Variants in SETD4 observed in about 807,000 individuals in gnomAD.
SETD4 encodes the protein SET domain containing 4.
SETD4 carries 46 observed loss-of-function variants against 58.3 expected under a neutral mutation model. That is an observed-to-expected ratio of 0.79 (90% CI 0.62 to 1.01). The LOEUF is 1.01. SETD4 is among the 50% of genes least tolerant of loss of function. SETD4 has a pLI of 0.00. For missense variants in SETD4, 490 were observed against 523.3 expected, an observed-to-expected ratio of 0.94 and a Z score of 0.62; for synonymous variants, 190 against 202.6, an observed-to-expected ratio of 0.94 and a Z score of 0.53.
intron 4 of SETD4, 149 bp from the exon 5 acceptor site, chr21:36,048,545 C>T (rs934859864): frequency 2.2e-5 from 15 of 696,366 alleles, no homozygotes; most frequent in South Asian, 3.3e-5. Context: ...CCAATGGAGT[C>T]GCTCCCAACT....
intron 8 of SETD4, 152 bp downstream of exon 8, chr21:36,041,655 C>T (rs569905047): frequency 1.3e-3 from 758 of 572,732 alleles, no homozygotes; most frequent in Non-Finnish European, 1.6e-3. Context: ...CAACATCAAG[C>T]GCAGTTTTAC....
At chr21:36,054,866 G>T (rs2064905609) in intron 3 of SETD4, among the ~76,000 whole-genome samples, 3 of 134,984 alleles carry the variant, frequency 2.2e-5, no homozygotes, top group Admixed American at 2.2e-4. Context: ...CTGGCTCATG[G>T]TGGGAATTCC....
chr21:36,036,112 T>G lies in SETD4; in HGVS notation c.*5A>C. The G allele has an allele frequency of 6.2e-7, 1 of 1,614,172 alleles. No individual in the cohort carries two copies. Among genetic ancestry groups the G allele is most frequent in the Non-Finnish European group, 8.5e-7 (1 of 1,180,024 alleles). On this transcript the variant is annotated 3_prime_UTR_variant, in exon 11 of 12. Transcript: ENST00000332131. The stretch of plus-strand genomic sequence containing the variant: ...GAGGAGGTGACCAAATGCGCTTCGG[T>G]GAAATCAGGTAAAAGCTGTTTGCAA...
At chr21:36,060,191 G>A in intron 1 of SETD4, 156 bp downstream of exon 1, 1 of 927,164 alleles carries the variant, frequency 1.1e-6, no homozygotes, top group Non-Finnish European at 1.3e-6. Context: ...AGAGGTTACT[G>A]CAGCGCACAC....
intron 4 of SETD4, among the ~76,000 whole-genome samples, chr21:36,052,384 TAAA>T (rs143468751): frequency 1.6e-5 from 2 of 122,692 alleles, no homozygotes; most frequent in Admixed American, 8.2e-5. Context: ...CTGTCTCTAC[TAAA>T]AAAAAAAAAA....
intron 5 of SETD4, among the ~76,000 whole-genome samples, chr21:36,047,903 G>A: frequency 6.6e-6 from 1 of 151,738 alleles, no homozygotes; most frequent in Middle Eastern, 3.4e-3. Flanking sequence ...CTACTTGGGA[G>A]GCTGAGGCAC....
rs780475667 is a variant in SETD4 at position 36,045,868 on chromosome 21, A to G, written c.440T>C (p.Val147Ala). The G allele has an allele frequency of 2.4e-5, 39 of 1,614,074 alleles. No individual in the cohort carries two copies. Among genetic ancestry groups the G allele is most frequent in the Non-Finnish European group, 2.5e-5 (30 of 1,180,044 alleles). ...YTCPVCLEPE[V>A]VNLLPKSLKA... The stretch of plus-strand genomic sequence containing the variant: ...TAAAGATTTGGGAAGAAGGTTCACC[A>G]CTTCCGGCTCCAAACAAACAGGGCA... The change falls in exon 6 of 12, where the codon GTG (valine) becomes GCG (alanine). Residue 147 changes from valine (V) to alanine (A), a missense_variant. By Grantham distance (64) the Val-to-Ala change is moderately conservative. Transcript: ENST00000332131.
intron 6 of SETD4, among the ~76,000 whole-genome samples, chr21:36,044,342 AGTT>A (rs2064204310): frequency 6.6e-6 from 1 of 152,248 alleles, no homozygotes; most frequent in Non-Finnish European, 1.5e-5. Context: ...CTCTGTCACA[AGTT>A]GTTGTATTTT....
intron 4 of SETD4, chr21:36,051,405 C>G: frequency 6.8e-7 from 1 of 1,463,790 alleles, no homozygotes; most frequent in Non-Finnish European, 9.1e-7. Context: ...CAACAAAACC[C>G]TTGTAAAACT....
chr21:36,046,366 A>T (rs925126619), intron 5 of SETD4, among the ~76,000 whole-genome samples: 2 of 152,260 alleles, frequency 1.3e-5, no homozygotes, highest in African/African-American at 4.8e-5. Flanking sequence ...TCACCTATGT[A>T]AAGATATAAA....
At chr21:36,049,853 A>G (rs2064550231) in intron 4 of SETD4, among the ~76,000 whole-genome samples, 1 of 152,224 alleles carries the variant, frequency 6.6e-6, no homozygotes, top group African/African-American at 2.4e-5. Context: ...ACCTAAACAA[A>G]AACTACCTGT....
At chr21:36,039,288 C>G (rs553183577) in intron 9 of SETD4, among the ~76,000 whole-genome samples, 1 of 152,314 alleles carries the variant, frequency 6.6e-6, no homozygotes, top group Admixed American at 6.5e-5. Context: ...CCCTGAGTGA[C>G]AGAGCTAGTG....
At position 36,041,826 on chromosome 21, in the gene SETD4, T is replaced by C; in HGVS notation, c.964A>G (p.Lys322Glu). The C allele has an allele frequency of 6.7e-7, 1 of 1,484,734 alleles. No homozygotes were observed. 92.0% of individuals were successfully genotyped at this position (1,484,734 alleles called of 1,614,324 possible). Residue 322 changes from lysine to glutamate, a missense_variant, in exon 8 of 12, where the codon AAG (lysine) becomes GAG (glutamate). Transcript: ENST00000332131. ...ACTTACTCTATATAGCCATGATCCT[T>C]TAAAATAGAAATCTTTTTGTCCATC... is the stretch of plus-strand genomic sequence containing the variant. Reference protein sequence around the residue: ...KQMDKKISILKDHGYIENLTF... With the variant: ...KQMDKKISILEDHGYIENLTF...
At chr21:36,048,047 G>A (rs1270797609) in intron 5 of SETD4, among the ~76,000 whole-genome samples, 1 of 134,164 alleles carries the variant, frequency 7.5e-6, no homozygotes, top group Non-Finnish European at 1.6e-5. Flanking sequence ...AAGGAAGGAA[G>A]GAAGGAAGAG....
chr21:36,058,795 G>T (rs770972190), intron 2 of SETD4, 21 bp downstream of exon 2: 2 of 1,579,696 alleles, frequency 1.3e-6, no homozygotes, highest in Admixed American at 2.0e-5. Context: ...TTCATTACTG[G>T]TACTAAAAGA....
intron 6 of SETD4, 102 bp downstream of exon 6, chr21:36,045,480 A>T: frequency 6.9e-7 from 1 of 1,443,112 alleles, no homozygotes. Flanking sequence ...GAAGCCGCCG[A>T]CACCTCTCCC....
chr21:36,036,675 C>G (rs1280379814), intron 10 of SETD4: 6 of 949,722 alleles, frequency 6.3e-6, no homozygotes, highest in African/African-American at 1.8e-5. Flanking sequence ...TTAACTAAAA[C>G]ATTTACTAAA....
At chr21:36,053,456 A>G in intron 4 of SETD4, 127 bp downstream of exon 4, 2 of 927,338 alleles carry the variant, frequency 2.2e-6, no homozygotes, top group Non-Finnish European at 3.5e-6. Flanking sequence ...ACCATATTCA[A>G]ATATATCTAT....
rs778129243 is a variant in SETD4 at position 36,040,607 on chromosome 21, G to A, written c.1032C>T (p.Ala344=). The A allele has an allele frequency of 1.1e-5, 18 of 1,613,806 alleles. 1 individual carries two copies. The highest frequency in any genetic ancestry group is 1.7e-4 in the Middle Eastern group (1 of 6,060). The part of the protein sequence containing the change: ...WDGPSWRLLT[A]LKLLCLEAEK... ...CAGCTTCCAGACATAACAACTTAAG[G>A]GCTGTGAGTAGCCTCCAAGATGGTC... Residue 344 remains alanine, a synonymous_variant, in exon 9 of 12, where the codon GCC becomes GCT. Coordinates refer to ENST00000332131, the MANE Select transcript of SETD4 (RefSeq NM_017438.5).
Sources: allele counts gnomAD v4.1 joint callset (sites outside exome capture counted in the v4.1 genomes callset), GRCh38; gene constraint gnomAD v4.1.1; transcripts MANE v1.5; gene names NCBI Gene and HGNC (gene_info 2026-07-23, HGNC 2026-07-21).